Variants in ANO3 observed in about 807,000 individuals in gnomAD.
ANO3 encodes the protein anoctamin-3.
A neutral mutation model predicts 144.8 loss-of-function variants in ANO3; 99 were observed. That is an observed-to-expected ratio of 0.68 (90% confidence interval 0.58 to 0.81). The LOEUF (loss-of-function observed/expected upper bound fraction) is 0.81. ANO3 is among the 30% of genes least tolerant of loss of function. The probability of loss-of-function intolerance (pLI) is 0.00; values close to 1 mark genes in which losing one functional copy is unlikely to be tolerated. For synonymous variants in ANO3, 414 were observed against 392.6 expected, an observed-to-expected ratio of 1.05 and a Z score of -0.64; for missense variants, 905 against 1,202.2, an observed-to-expected ratio of 0.75 and a Z score of 3.66.
chr11:26,261,191 C>T (rs1224059170), intron 1 of ANO3, among the ~76,000 whole-genome samples: 1 of 152,084 alleles, frequency 6.6e-6, no homozygotes. Flanking sequence ...TAACAGGTCA[C>T]TTTGGGATGG....
chr11:26,359,762 G>A (rs1028268558), intron 1 of ANO3, among the ~76,000 whole-genome samples: 3 of 152,076 alleles, frequency 2.0e-5, no homozygotes, highest in Non-Finnish European at 2.9e-5. Context: ...ATCTCTCACA[G>A]ATTATTATCT....
chr11:26,534,461 T>A lies in ANO3; in HGVS notation c.875T>A (p.Ile292Lys), dbSNP rs1849452835. 1 of 1,608,382 alleles carries A rather than the reference T, an allele frequency of 6.2e-7. No individual in the cohort carries two copies. The highest frequency in any genetic ancestry group is 1.3e-5 in the African/African-American group (1 of 74,914). ...CAATCCCCTCATCTTAACAGCTTCA[T>A]AATAAATAATAAAGACACCTTCTTC... ...PFSRARIHHF[I>K]INNKDTFFSN... The change falls in exon 9 of 27, where the codon ATA (isoleucine) becomes AAA (lysine). Residue 292 changes from isoleucine (I) to lysine (K), a missense_variant. Ile to Lys is a moderately radical substitution (Grantham distance 102, BLOSUM62 -3). Around this residue, in one of 4 missense-constraint regions of ANO3, gnomAD observed 597 missense variants for 865.1 expected, o/e 0.69. Transcript: ENST00000256737.
intron 5 of ANO3, among the ~76,000 whole-genome samples, chr11:26,510,818 C>A (rs1199463704): frequency 6.6e-6 from 1 of 152,142 alleles, no homozygotes; most frequent in African/African-American, 2.4e-5. Context: ...CTTCCTTATT[C>A]CTCCAAACTT....
At chr11:26,567,246 G>T in intron 14 of ANO3, 2 of 695,728 alleles carry the variant, frequency 2.9e-6, no homozygotes, top group East Asian at 6.6e-5. Context: ...TAAAAAAATA[G>T]ACTTTTTTTT....
chr11:26,224,329 T>C (rs758301396), intron 1 of ANO3, among the ~76,000 whole-genome samples: 1 of 152,236 alleles, frequency 6.6e-6, no homozygotes, highest in African/African-American at 2.4e-5. Flanking sequence ...TTCCAGTGTG[T>C]CTGTCTGCCA....
chr11:26,560,845 GGCTACTTA>G (rs1282471726), intron 14 of ANO3: 2 of 422,666 alleles, frequency 4.7e-6, no homozygotes, highest in Non-Finnish European at 8.3e-6. Flanking sequence ...TACAAATTAA[GGCTACTTA>G]GTAAATGCCT....
upstream of ANO3, among the ~76,000 whole-genome samples, chr11:26,307,554 A>G (rs1322192317): frequency 6.6e-6 from 1 of 151,620 alleles, no homozygotes; most frequent in Non-Finnish European, 1.5e-5. Context: ...AAATGTCTCT[A>G]CTAAAACTGC....
chr11:26,636,603 A>G (rs1397293241), intron 20 of ANO3, among the ~76,000 whole-genome samples: 1 of 152,180 alleles, frequency 6.6e-6, no homozygotes, highest in Non-Finnish European at 1.5e-5. Context: ...AGTGCCTGCA[A>G]TTGCAAATGT....
chr11:26,515,322 T>C (rs551725388), intron 5 of ANO3, among the ~76,000 whole-genome samples: 14 of 130,764 alleles, frequency 1.1e-4, no homozygotes, highest in Non-Finnish European at 1.6e-4. Context: ...AAATTCAGCA[T>C]ACTTTATCTC....
At position 26,603,561 on chromosome 11, in the gene ANO3, G is replaced by A. The variant is rs529846694; in HGVS notation, c.1836+3847G>A. Among the ~76,000 whole-genome samples, 5 of 152,076 alleles carry A rather than the reference G, an allele frequency of 3.3e-5. No homozygotes were observed. In the South Asian group the frequency reaches 1.0e-3, roughly 32 times the overall value. On this transcript the variant is annotated intron_variant, in intron 17 of 26. Transcript: ENST00000256737. ...AGTTATTCAAATTCTATGTAAGGTAGTATCATATAAACTATTAAAATGCTC... is the reference window on the plus strand; with the variant it reads ...AGTTATTCAAATTCTATGTAAGGTAATATCATATAAACTATTAAAATGCTC...
At chr11:26,425,783 C>T (rs1857901954) in intron 1 of ANO3, among the ~76,000 whole-genome samples, 1 of 152,116 alleles carries the variant, frequency 6.6e-6, no homozygotes, top group Admixed American at 6.6e-5. Context: ...GTTATGTTCA[C>T]TCTGTGTTTT....
Position 26,270,391 on chromosome 11 carries a change from C to A in ANO3, c.155-39254C>A, listed in dbSNP as rs562750474. ...AACTGAATCACCTACTATTAGCCAG[C>A]CCAAATCTTCTACTTTAGTTACAGT... On this transcript the variant is annotated intron_variant, in intron 1 of 27. Transcript: ENST00000672621. 3.3e-4 allele frequency among the ~76,000 whole-genome samples: 51 copies of A among 152,260 alleles called. 2 individuals are homozygous for A. The South Asian group carries it at 0.011, about 32-fold the overall frequency.
chr11:26,643,763 T>A (rs1165292914), intron 23 of ANO3, among the ~76,000 whole-genome samples: 2 of 152,072 alleles, frequency 1.3e-5, no homozygotes, highest in East Asian at 1.9e-4. Context: ...TGATCCCTCA[T>A]GAATGGGATT....
rs973857868 is a variant in ANO3, at chr11:26,564,498, A to C, written c.1447+4719A>C. Among the ~76,000 whole-genome samples the C allele has an allele frequency of 9.3e-5, 14 of 150,718 alleles. 1 individual carries two copies. Reference sequence around the variant, plus strand: ...AACAAAACAAGAATGAATTATTAAAACTTAGTTATTTTTTTTCATTTTATG... The same window carrying C: ...AACAAAACAAGAATGAATTATTAAACCTTAGTTATTTTTTTTCATTTTATG... On this transcript the variant is annotated intron_variant, in intron 14 of 26. Coordinates refer to ENST00000256737, the MANE Select transcript of ANO3 (RefSeq NM_031418.4).
At chr11:26,473,924 A>C in intron 4 of ANO3, 1 of 985,048 alleles carries the variant, frequency 1.0e-6, no homozygotes, top group Non-Finnish European at 1.2e-6. Context: ...AAACTCTGGC[A>C]TTTAGAGAGT....
chr11:26,349,423 G>T (rs1204820992), intron 1 of ANO3, among the ~76,000 whole-genome samples: 2 of 152,126 alleles, frequency 1.3e-5, no homozygotes, highest in African/African-American at 4.8e-5. Flanking sequence ...CAAGTATATA[G>T]AATTATTATT....
intron 1 of ANO3, among the ~76,000 whole-genome samples, chr11:26,220,132 T>C (rs1161170822): frequency 6.6e-6 from 1 of 152,250 alleles, no homozygotes; most frequent in East Asian, 1.9e-4. Flanking sequence ...CTGAGCCAGG[T>C]ACCTCCACTT....
intron 1 of ANO3, among the ~76,000 whole-genome samples, chr11:26,383,379 C>A (rs1856638382): frequency 6.6e-6 from 1 of 152,068 alleles, no homozygotes. Context: ...CATTAAAACT[C>A]CATTTTCTGT....
intron 4 of ANO3, among the ~76,000 whole-genome samples, chr11:26,481,243 C>T (rs1321591344): frequency 6.6e-6 from 1 of 151,672 alleles, no homozygotes; most frequent in African/African-American, 2.4e-5. Context: ...TTATGTGAAA[C>T]GGGAAGTGAG....
Sources: gnomAD v4.1 joint callset for allele counts (sites outside exome capture counted in the v4.1 genomes callset) on GRCh38, gnomAD v4.1.1 for gene constraint, gnomAD v4.1.1 regional missense constraint, MANE v1.5 for transcripts, NCBI Gene and HGNC (gene_info 2026-07-23, HGNC 2026-07-21) for gene names.